HS6ST3: variants seen among roughly 807,000 people sequenced by gnomAD.
HS6ST3 encodes heparan-sulfate 6-O-sulfotransferase 3.
In HS6ST3, 12 loss-of-function variants were observed where a neutral mutation model predicts 36.7. The ratio of observed to expected loss-of-function variants is 0.33; its 90% confidence interval spans 0.21 to 0.53. The LOEUF is 0.53. Among genes scored for constraint, HS6ST3 ranks in the 20% least tolerant of loss-of-function variants. The probability of loss-of-function intolerance (pLI) is 0.95; values close to 1 mark genes in which losing one functional copy is unlikely to be tolerated. For missense variants in HS6ST3, 584 were observed against 640.9 expected (o/e 0.91, Z 0.96); for synonymous variants, 240 against 257.5 (o/e 0.93, Z 0.65).
intron 1 of HS6ST3, among the ~76,000 whole-genome samples, chr13:96,289,341 T>G (rs544773498): frequency 4.6e-5 from 7 of 152,098 alleles, no homozygotes; most frequent in African/African-American, 1.7e-4. Flanking sequence ...CAAAACATAC[T>G]GTAAAACAAC....
At chr13:96,332,337 G>T (rs2055075465) in intron 1 of HS6ST3, among the ~76,000 whole-genome samples, 1 of 152,180 alleles carries the variant, frequency 6.6e-6, no homozygotes, top group South Asian at 2.1e-4. Context: ...TGCAGACCAT[G>T]TAAAATTTGG....
At chr13:96,704,051 A>G (rs1210797382) in intron 1 of HS6ST3, among the ~76,000 whole-genome samples, 3 of 152,160 alleles carry the variant, frequency 2.0e-5, no homozygotes, top group Non-Finnish European at 4.4e-5. Context: ...TTCGTTATAA[A>G]TTGTCTGTCC....
chr13:96,570,678 G>C (rs952949372), intron 1 of HS6ST3, among the ~76,000 whole-genome samples: 1 of 152,200 alleles, frequency 6.6e-6, no homozygotes, highest in Non-Finnish European at 1.5e-5. Context: ...GGCAAGATGT[G>C]GAAAGCATGT....
At chr13:96,634,624 C>T (rs1420111403) in intron 1 of HS6ST3, among the ~76,000 whole-genome samples, 6 of 152,096 alleles carry the variant, frequency 3.9e-5, no homozygotes, top group Non-Finnish European at 7.4e-5. Flanking sequence ...TGGCTTCACT[C>T]TACCGCAATG....
intron 1 of HS6ST3, among the ~76,000 whole-genome samples, chr13:96,538,098 A>G (rs1275861364): frequency 2.6e-5 from 4 of 152,242 alleles, no homozygotes; most frequent in African/African-American, 9.6e-5. Context: ...TACACTGTGT[A>G]CTTCCAAATA....
chr13:96,558,945 C>A (rs2056251283), intron 1 of HS6ST3, among the ~76,000 whole-genome samples: 1 of 151,914 alleles, frequency 6.6e-6, no homozygotes, highest in South Asian at 2.1e-4. Flanking sequence ...TAATTTTGGC[C>A]AACAAAAGAT....
chr13:96,332,649 T>A (rs2055077536), intron 1 of HS6ST3, among the ~76,000 whole-genome samples: 1 of 152,224 alleles, frequency 6.6e-6, no homozygotes. Context: ...CTGCTCAATC[T>A]GTGAATCTTG....
At position 96,697,829 on chromosome 13, in the gene HS6ST3, G is replaced by A. The variant is rs1466104652; in HGVS notation, c.708-134661G>A. Reference sequence around the variant, plus strand: ...CCATCCAGCTCAATTAGGCCTTCAAGATGTGGTACAATGGTACAATGCCTT... The same window carrying A: ...CCATCCAGCTCAATTAGGCCTTCAAAATGTGGTACAATGGTACAATGCCTT... On this transcript the variant is annotated intron_variant, in intron 1 of 1. Transcript: ENST00000376705. Among the ~76,000 whole-genome samples, 14 of 152,224 alleles carry A rather than the reference G, an allele frequency of 9.2e-5. No homozygotes were observed. In the East Asian group the frequency reaches 2.5e-3, roughly 27 times the overall value.
chr13:96,386,162 C>A (rs1489703576), intron 1 of HS6ST3, among the ~76,000 whole-genome samples: 1 of 152,228 alleles, frequency 6.6e-6, no homozygotes, highest in Admixed American at 6.5e-5. Context: ...CCCAAATTGA[C>A]CACCTGCCCT....
At chr13:96,335,364 G>A (rs1182110578) in intron 1 of HS6ST3, among the ~76,000 whole-genome samples, 4 of 152,254 alleles carry the variant, frequency 2.6e-5, no homozygotes, top group South Asian at 2.1e-4. Flanking sequence ...CACCATATTC[G>A]TCATTCAGTG....
intron 1 of HS6ST3, among the ~76,000 whole-genome samples, chr13:96,517,612 T>C (rs2056077684): frequency 1.3e-5 from 2 of 152,136 alleles, no homozygotes; most frequent in African/African-American, 2.4e-5. Flanking sequence ...TCTTAACTTT[T>C]ATTTTAGGCT....
At chr13:96,309,228 A>C (rs9556555) in intron 1 of HS6ST3, among the ~76,000 whole-genome samples, 6 of 151,884 alleles carry the variant, frequency 4.0e-5, no homozygotes, top group Non-Finnish European at 8.8e-5. Flanking sequence ...ATTTTTGAAG[A>C]AGGAGGGGGT....
rs752805521 is a variant in HS6ST3, at chr13:96,652,971, ACT to A, written c.708-179516_708-179515del. Reference sequence around the variant, plus strand: ...TAGTCATCAATAAATTGATGACCCAACTCTGATGGTTGACTGTTTGTTCTCCA... The same window carrying A: ...TAGTCATCAATAAATTGATGACCCAACTGATGGTTGACTGTTTGTTCTCCA... On this transcript the variant is annotated intron_variant, in intron 1 of 1. Transcript: ENST00000376705. Among the ~76,000 whole-genome samples the A allele has an allele frequency of 3.5e-4, 53 of 152,118 alleles. 2 individuals carry two copies. The Middle Eastern group carries it at 0.027, about 78-fold the overall frequency.
At chr13:96,368,224 A>T (rs950753193) in intron 1 of HS6ST3, among the ~76,000 whole-genome samples, 2 of 152,092 alleles carry the variant, frequency 1.3e-5, no homozygotes, top group Non-Finnish European at 2.9e-5. Context: ...CCTATTACCC[A>T]TCCAAAAGTA....
Position 96,091,195 on chromosome 13 carries a change from C to T in HS6ST3, c.333C>T (p.Asp111=), listed in dbSNP as rs779035399. The T allele has an allele frequency of 1.9e-6, 3 of 1,556,320 alleles. No individual in the cohort carries two copies. The highest frequency in any genetic ancestry group is 1.2e-5 in the South Asian group (1 of 84,626). The stretch of plus-strand genomic sequence containing the variant: ...AAGAGGAGGAGGAAGACGAGCCGGA[C>T]CCCGAGGCCCCGGAAAACGGCTCCC... ...GEEEEEEDEP[D]PEAPENGSLP... is the part of the protein sequence containing the mutation. The change falls in exon 1 of 2, where the codon GAC becomes GAT. Residue 111 remains aspartate (D), a synonymous_variant. Coordinates refer to ENST00000376705, the MANE Select transcript of HS6ST3 (RefSeq NM_153456.4).
chr13:96,103,657 C>T (rs1459712023), intron 1 of HS6ST3, among the ~76,000 whole-genome samples: 5 of 151,706 alleles, frequency 3.3e-5, no homozygotes, highest in East Asian at 1.9e-4. Flanking sequence ...TTTATATTGA[C>T]GTAAGAAGGC....
intron 1 of HS6ST3, among the ~76,000 whole-genome samples, chr13:96,383,404 C>T (rs1266811043): frequency 6.6e-6 from 1 of 151,758 alleles, no homozygotes; most frequent in Non-Finnish European, 1.5e-5. Flanking sequence ...CAGATCATGC[C>T]ACTGTACTCC....
chr13:96,243,810 CT>C (rs1341003317), intron 1 of HS6ST3, among the ~76,000 whole-genome samples: 1 of 151,398 alleles, frequency 6.6e-6, no homozygotes, highest in African/African-American at 2.4e-5. Context: ...CTATATTTGA[CT>C]TATCTGACTT....
intron 1 of HS6ST3, among the ~76,000 whole-genome samples, chr13:96,356,312 A>G (rs928533265): frequency 6.6e-6 from 1 of 152,094 alleles, no homozygotes; most frequent in African/African-American, 2.4e-5. Flanking sequence ...AGAATGATGA[A>G]CTCTTTCCAG....
Sources: gnomAD v4.1 joint callset for allele counts (sites outside exome capture counted in the v4.1 genomes callset) on GRCh38, gnomAD v4.1.1 for gene constraint, MANE v1.5 for transcripts, NCBI Gene and HGNC (gene_info 2026-07-23, HGNC 2026-07-21) for gene names.